Variants in RABGAP1 observed in about 807,000 individuals in gnomAD.
RABGAP1 encodes the protein rab GTPase-activating protein 1.
A neutral mutation model predicts 137.6 loss-of-function variants in RABGAP1; 23 were observed. That is an observed-to-expected ratio of 0.17 (90% CI 0.12 to 0.24). The LOEUF (loss-of-function observed/expected upper bound fraction) is 0.24, where lower values mean the gene tolerates loss of function less well. Ranked by LOEUF, RABGAP1 falls within the 10% of genes least tolerant of loss-of-function variation. RABGAP1 has a pLI of 1.00. For missense variants in RABGAP1, 906 were observed against 1,275.8 expected (o/e 0.71, Z 4.42); for synonymous variants, 451 against 450.7 (o/e 1.00, Z -0.01).
chr9:122,986,483 A>G, intron 4 of RABGAP1, 64 bp downstream of exon 4: 6 of 1,481,942 alleles, frequency 4.0e-6, no homozygotes, highest in Admixed American at 1.8e-5. Context: ...TGCTTCAGAA[A>G]GAAGCAATAG....
intron 2 of RABGAP1, among the ~76,000 whole-genome samples, chr9:122,969,816 C>T (rs1008647157): frequency 1.3e-5 from 2 of 152,164 alleles, no homozygotes; most frequent in African/African-American, 4.8e-5. Flanking sequence ...TCCTCCCACA[C>T]TGACCTCCTA....
rs1222940837 is a variant in RABGAP1, at chr9:122,942,157, GAAACAAA to G, written c.-50+1073_-50+1079del. ...TGAGTTTCCAGCTGTTTTTGTTTCG[GAAACAAA>G]AAACAAAACAAAACAAAACAAAAAA... On this transcript the variant is annotated intron_variant, in intron 1 of 25. Transcript: ENST00000373647. 3.3e-5 allele frequency among the ~76,000 whole-genome samples: 5 copies of G among 152,040 alleles called. No homozygotes were observed. The East Asian group carries it at 9.6e-4, about 29-fold the overall frequency.
chr9:123,062,889 A>G (rs896108458), intron 13 of RABGAP1: 2 of 152,052 alleles, frequency 1.3e-5, no homozygotes, highest in African/African-American at 2.4e-5. Context: ...CACTGGCTCA[A>G]GCGATTCTCA....
In RABGAP1 at chr9:123,050,624, C is replaced by A. The variant is rs375401129; in HGVS notation, c.1795-14724C>A. ...TTGTATTGTCAGTGTTAAGTGAGCC[C>A]ACCAATCGATACCTATTTCTATAAT... On this transcript the variant is annotated intron_variant, in intron 13 of 25. Coordinates refer to ENST00000373647, the MANE Select transcript of RABGAP1 (RefSeq NM_012197.4). 2.0e-4 allele frequency among the ~76,000 whole-genome samples: 31 copies of A among 152,302 alleles called. 1 individual carries two copies. In the South Asian group the frequency reaches 5.8e-3, roughly 29 times the overall value.
At chr9:122,981,024 T>TTTGTTG (rs145998509) in intron 2 of RABGAP1, among the ~76,000 whole-genome samples, 1,940 of 151,898 alleles carry the variant, frequency 0.013, 44 homozygotes, top group African/African-American at 0.045. Context: ...GTGGAGGTTT[T>TTTGTTG]TTGTTGTTGT....
intron 13 of RABGAP1, chr9:123,029,290 A>G: frequency 1.8e-6 from 1 of 557,110 alleles, no homozygotes. Flanking sequence ...CTAAAATAAT[A>G]TGTTAATTAA....
At chr9:122,945,146 G>GTTTTTTTTTTTTTTTTTTTTTTT (rs1564348056) in intron 1 of RABGAP1, among the ~76,000 whole-genome samples, 1 of 9,178 alleles carries the variant, frequency 1.1e-4, no homozygotes, top group Non-Finnish European at 6.4e-4. Flanking sequence ...CATAGCTGTT[G>GTTTTTTTTTTTTTTTTTTTTTTT]CTTTTTTTTT....
At chr9:122,933,958 G>A in the RABGAP1 span, among the ~76,000 whole-genome samples, 94,697 of 151,748 alleles carry the variant, frequency 0.62, 36,715 homozygotes, top group Non-Finnish European at 0.86. Context: ...TGTAGAGACC[G>A]CGCCTTGCTA....
intron 12 of RABGAP1, among the ~76,000 whole-genome samples, chr9:123,019,120 G>C (rs2031443697): frequency 6.6e-6 from 1 of 152,110 alleles, no homozygotes; most frequent in African/African-American, 2.4e-5. Context: ...ACATTTCAAG[G>C]CTAGTTTAAT....
chr9:122,952,655 G>A (rs1834315024), intron 1 of RABGAP1, among the ~76,000 whole-genome samples: 1 of 152,102 alleles, frequency 6.6e-6, no homozygotes, highest in Admixed American at 6.5e-5. Flanking sequence ...AGGATCACCT[G>A]AGCCCGGGAG....
intron 2 of RABGAP1, among the ~76,000 whole-genome samples, chr9:122,978,246 T>G (rs2131717893): frequency 6.6e-6 from 1 of 152,356 alleles, no homozygotes; most frequent in South Asian, 2.1e-4. Flanking sequence ...TTTTCCAGAA[T>G]GCCAGGTAAA....
At chr9:123,039,807 A>G (rs114202629) in intron 13 of RABGAP1, among the ~76,000 whole-genome samples, 145 of 152,306 alleles carry the variant, frequency 9.5e-4, no homozygotes, top group African/African-American at 3.4e-3. Context: ...CAAAGGAACT[A>G]TAGAAAGCCT....
intron 2 of RABGAP1, among the ~76,000 whole-genome samples, chr9:122,970,950 G>A (rs143056731): frequency 1.3e-5 from 2 of 152,154 alleles, no homozygotes; most frequent in African/African-American, 4.8e-5. Context: ...AACAAAGAGG[G>A]TACTGAAAGC....
Position 122,977,189 on chromosome 9 carries a change from AAG to A in RABGAP1, c.151-7288_151-7287del, listed in dbSNP as rs369885901. Among the ~76,000 whole-genome samples the A allele has an allele frequency of 1.7e-4, 26 of 152,328 alleles. No individual in the cohort carries two copies. In the South Asian group the frequency reaches 4.6e-3, roughly 27 times the overall value. On this transcript the variant is annotated intron_variant, in intron 2 of 25. Transcript: ENST00000373647. ...TGAATGGTGGCCATATGTGAAAGAG[AAG>A]AGAGAGAAAGAAGGCAGGCAAACTA...
chr9:122,968,086 A>T (rs1170580476), intron 2 of RABGAP1, among the ~76,000 whole-genome samples: 6 of 151,828 alleles, frequency 4.0e-5, no homozygotes, highest in Admixed American at 3.9e-4. Context: ...TTATGCGTTA[A>T]TGTGTATATA....
intron 10 of RABGAP1, among the ~76,000 whole-genome samples, chr9:123,006,994 T>G (rs1214147922): frequency 6.6e-6 from 1 of 152,214 alleles, no homozygotes; most frequent in Non-Finnish European, 1.5e-5. Flanking sequence ...TTCCTGGATT[T>G]TTTTACTTGT....
rs1244355425 is a variant in RABGAP1, at chr9:122,991,605, C to CTT, written c.923+1407_923+1408dup. Among the ~76,000 whole-genome samples, 131 of 139,348 alleles carry CTT rather than the reference C, an allele frequency of 9.4e-4. 2 individuals carry two copies. Among genetic ancestry groups the CTT allele is most frequent in the African/African-American group, 3.0e-3 (110 of 36,690 alleles). 91.4% of individuals were successfully genotyped at this position (139,348 alleles called of 152,430 possible). ...AGATAGATTTCTATTCTCTCTCTCT[C>CTT]TTTTTTTTTTTTTTTTGAGATACGC... On this transcript the variant is annotated intron_variant, in intron 6 of 25. Transcript: ENST00000373647.
At chr9:123,016,422 G>C (rs1008721526) in intron 12 of RABGAP1, among the ~76,000 whole-genome samples, 1 of 152,116 alleles carries the variant, frequency 6.6e-6, no homozygotes, top group Non-Finnish European at 1.5e-5. Flanking sequence ...CAGGAGGATC[G>C]CTTGAGCATA....
intron 19 of RABGAP1, chr9:123,089,480 G>C (rs1334005762): frequency 6.2e-6 from 2 of 320,650 alleles, no homozygotes; most frequent in African/African-American, 4.1e-5. Context: ...ATAGGACCCA[G>C]AACTTGTAGG....
Sources: gnomAD v4.1 joint callset for allele counts (sites outside exome capture counted in the v4.1 genomes callset) on GRCh38, gnomAD v4.1.1 for gene constraint, MANE v1.5 for transcripts, NCBI Gene and HGNC (gene_info 2026-07-23, HGNC 2026-07-21) for gene names.